MROH2A: variants seen among roughly 807,000 people sequenced by gnomAD.
The protein encoded by MROH2A is maestro heat-like repeat-containing protein family member 2A.
A neutral mutation model predicts 200.4 loss-of-function variants in MROH2A; 174 were observed. The observed-to-expected ratio is 0.87, with a 90% confidence interval of 0.77 to 0.98. MROH2A has a LOEUF of 0.98. MROH2A is among the 50% of genes least tolerant of loss of function. The pLI is 0.00. For synonymous variants in MROH2A, 829 were observed against 840.4 expected, an observed-to-expected ratio of 0.99 and a Z score of 0.23; for missense variants, 2,045 against 2,139.6, an observed-to-expected ratio of 0.96 and a Z score of 0.87.
At position 233,779,739 on chromosome 2, in the gene MROH2A, GGGGCA is replaced by G. The variant is rs1700846141; in HGVS notation, c.166_170del (p.Ala56ProfsTer2). ...CGAGTCAGCAAAGACGGACACAACAGGGGCAGGCCTTGACATGCGGAAGACCCTGG... is the reference window on the plus strand; with the variant it reads ...CGAGTCAGCAAAGACGGACACAACAGGGCCTTGACATGCGGAAGACCCTGG... On this transcript the variant is annotated frameshift_variant, in exon 3 of 42. Coordinates refer to ENST00000389758, the MANE Select transcript of MROH2A (RefSeq NM_001394639.1). LOFTEE classifies it high-confidence loss of function. 1 of 1,551,008 alleles carries G rather than the reference GGGGCA, an allele frequency of 6.4e-7. No individual in the cohort carries two copies. The highest frequency in any genetic ancestry group is 8.7e-7 in the Non-Finnish European group (1 of 1,147,114).
In MROH2A at chr2:233,789,509, C is replaced by T. The variant is rs759580955; in HGVS notation, c.289C>T (p.Arg97Cys). The T allele has an allele frequency of 1.5e-4, 217 of 1,436,162 alleles. No individual in the cohort carries two copies. The highest frequency in any genetic ancestry group is 4.0e-4 in the Admixed American group (14 of 34,916). The allele number at this position is 1,436,162 out of a possible 1,614,324, so 89.0% of individuals were successfully genotyped here. A position where few individuals can be genotyped will look rare whatever the true frequency, so the allele number is the denominator to read the frequency against. ...ACTTGTTTCCCAGATTTCCACCCAG[C>T]GCAAGGTCAACATTTACAACATCCT... ...CLQVPEISTQ[R>C]KVNIYNILQD... Residue 97 changes from arginine to cysteine, a missense_variant, in exon 4 of 42, where the codon CGC (arginine) becomes TGC (cysteine). Physicochemically the swap from Arg to Cys is radical, Grantham distance 180 (BLOSUM62 -3). Coordinates refer to ENST00000389758, the MANE Select transcript of MROH2A (RefSeq NM_001394639.1).
Position 233,809,147 on chromosome 2 carries a change from G to A in MROH2A, c.2317G>A (p.Glu773Lys), listed in dbSNP as rs906753274. ...GTAGAAGGACCATCCCTGGAGGCGG[G>A]AGACAGTGAAAAGTGCCCTCATGGT... The part of the protein sequence containing the change: ...AWRKDHPWRR[E>K]TVKSALMVMY... The change falls in exon 22 of 42, where the codon GAG (glutamate) becomes AAG (lysine). Residue 773 changes from glutamate (E) to lysine (K), a missense_variant. Transcript: ENST00000389758. 6.5e-7 allele frequency: 1 copy of A among 1,549,984 alleles called. No individual in the cohort carries two copies. The highest frequency in any genetic ancestry group is 1.4e-5 in the African/African-American group (1 of 73,018).
chr2:233,812,795 C>T (rs1435219613), intron 24 of MROH2A, among the ~76,000 whole-genome samples: 1 of 152,222 alleles, frequency 6.6e-6, no homozygotes, highest in Non-Finnish European at 1.5e-5. Flanking sequence ...ACAAAAGCAA[C>T]TCGGTTTATA....
rs763083059 is a variant in MROH2A, at chr2:233,809,218, C to T, written c.2388C>T (p.Leu796=). The T allele has an allele frequency of 1.3e-6, 2 of 1,550,604 alleles. No individual in the cohort carries two copies. Among genetic ancestry groups the T allele is most frequent in the Non-Finnish European group, 8.7e-7 (1 of 1,146,984 alleles). The change falls in exon 22 of 42, where the codon CTC becomes CTT. Residue 796 remains leucine, a synonymous_variant. Transcript: ENST00000389758. The stretch of plus-strand genomic sequence containing the variant: ...CCTACTGCCACCCCCAGTTGCTCCT[C>T]AACCTCGTGGACAGCCCCATCACCG... The part of the protein sequence containing the change: ...VASYCHPQLL[L]NLVDSPITAK...
At chr2:233,831,325 C>T in intron 38 of MROH2A, 84 bp from the exon 39 acceptor site, 1 of 1,431,864 alleles carries the variant, frequency 7.0e-7, no homozygotes, top group Non-Finnish European at 9.2e-7. Context: ...TCTGGGGCTG[C>T]CCTCTGGCTT....
chr2:233,814,517 C>A, intron 25 of MROH2A, 65 bp from the exon 26 acceptor site: 4 of 1,213,734 alleles, frequency 3.3e-6, no homozygotes, highest in African/African-American at 3.0e-5. Context: ...CATGAACTCC[C>A]TGCAGGGAGG....
chr2:233,806,155 G>C (rs983218826), intron 19 of MROH2A, among the ~76,000 whole-genome samples: 19 of 152,012 alleles, frequency 1.2e-4, no homozygotes, highest in Non-Finnish European at 2.5e-4. Context: ...TTCCATAACA[G>C]ATCAAAGACT....
At chr2:233,793,340 T>A (rs1263350451) in intron 6 of MROH2A, among the ~76,000 whole-genome samples, 2 of 152,212 alleles carry the variant, frequency 1.3e-5, no homozygotes, top group Non-Finnish European at 2.9e-5. Flanking sequence ...AAAGCCCTAG[T>A]GCCTGAGAAA....
intron 35 of MROH2A, among the ~76,000 whole-genome samples, chr2:233,825,528 G>C (rs749740564): frequency 6.6e-6 from 1 of 152,160 alleles, no homozygotes; most frequent in Non-Finnish European, 1.5e-5. Context: ...TAACATGAAG[G>C]GATGTTGAAT....
intron 21 of MROH2A, among the ~76,000 whole-genome samples, chr2:233,808,704 C>T (rs1306814991): frequency 2.0e-5 from 3 of 152,164 alleles, no homozygotes; most frequent in Non-Finnish European, 2.9e-5. Flanking sequence ...GGTGTGAGCA[C>T]CGTGAGGGCA....
At chr2:233,823,727 TC>T in intron 35 of MROH2A, 63 bp downstream of exon 35, 1 of 1,526,144 alleles carries the variant, frequency 6.6e-7, no homozygotes, top group Admixed American at 2.0e-5. Context: ...CCTGGATTCT[TC>T]TGGGGATGGC....
chr2:233,804,162 G>A lies in MROH2A; in HGVS notation c.1861G>A (p.Glu621Lys). 6.4e-7 allele frequency: 1 copy of A among 1,550,566 alleles called. No homozygotes were observed. Among genetic ancestry groups the A allele is most frequent in the South Asian group, 1.2e-5 (1 of 84,062 alleles). ...APSMADMWELEIALLVRYLEE... is the reference protein window; with the variant it reads ...APSMADMWELKIALLVRYLEE... ...CTCCATGGCCGACATGTGGGAGCTG[G>A]AGATTGCGCTACTGGTCCGGTACCT... is the stretch of plus-strand genomic sequence containing the variant. The change falls in exon 17 of 42, where the codon GAG (glutamate) becomes AAG (lysine). Residue 621 changes from glutamate (E) to lysine (K), a missense_variant. Glu to Lys is a moderately conservative substitution (Grantham distance 56). Transcript: ENST00000389758.
At chr2:233,791,214 G>C (rs1173715183) in intron 5 of MROH2A, among the ~76,000 whole-genome samples, 1 of 152,196 alleles carries the variant, frequency 6.6e-6, no homozygotes, top group Non-Finnish European at 1.5e-5. Context: ...AGGGTCGCCT[G>C]GTGAATGCAG....
chr2:233,786,687 C>G (rs1464565407), intron 3 of MROH2A, among the ~76,000 whole-genome samples: 1 of 152,132 alleles, frequency 6.6e-6, no homozygotes, highest in African/African-American at 2.4e-5. Context: ...CTAGGGTCAG[C>G]AAGGACCCAG....
intron 12 of MROH2A, among the ~76,000 whole-genome samples, chr2:233,799,218 A>G (rs1702302846): frequency 6.6e-6 from 1 of 152,202 alleles, no homozygotes; most frequent in African/African-American, 2.4e-5. Flanking sequence ...GCTGAAAACC[A>G]CAGTCCCAGG....
At position 233,794,515 on chromosome 2, in the gene MROH2A, C is replaced by A; in HGVS notation, c.966+9C>A. On this transcript the variant is annotated intron_variant, in intron 8 of 41. Transcript: ENST00000389758. ...TGCTCTTCGTCACGCAGGCGAGTGG[C>A]CAGGCAGCCACGGCTCTGGGCAGGA... 1 of 1,444,842 alleles carries A rather than the reference C, an allele frequency of 6.9e-7. No homozygotes were observed. The highest frequency in any genetic ancestry group is 9.5e-7 in the Non-Finnish European group (1 of 1,050,770). 89.5% of individuals were successfully genotyped at this position (1,444,842 alleles called of 1,614,324 possible).
chr2:233,810,335 T>A (rs1311380761), intron 22 of MROH2A, among the ~76,000 whole-genome samples: 3 of 152,192 alleles, frequency 2.0e-5, no homozygotes, highest in Admixed American at 6.5e-5. Flanking sequence ...ACTTCTTACA[T>A]GGTGGCAGCA....
rs780735439 is a variant in MROH2A at position 233,832,633 on chromosome 2, C to G, written c.4892C>G (p.Ala1631Gly). 72 of 1,548,246 alleles carry G rather than the reference C, an allele frequency of 4.7e-5. No individual in the cohort carries two copies. The highest frequency in any genetic ancestry group is 1.0e-5 in the Non-Finnish European group (12 of 1,145,150). ...TATCTGAAAAAGCTGGACTTCCCAG[C>G]ATTACGGAATTGTGAGTAGTGGAGA... Reference protein sequence around the residue: ...THYLKKLDFPALRNSLQELQL... With the variant: ...THYLKKLDFPGLRNSLQELQL... The change falls in exon 41 of 42, where the codon GCA becomes GGA. Residue 1631 changes from alanine to glycine, a missense_variant. This residue lies in a region of MROH2A where 1,201 missense variants were observed against 1,311.3 expected (regional missense o/e 0.92). Transcript: ENST00000389758.
intron 15 of MROH2A, among the ~76,000 whole-genome samples, chr2:233,803,173 G>A (rs889688721): frequency 5.9e-5 from 9 of 152,230 alleles, no homozygotes; most frequent in African/African-American, 2.2e-4. Context: ...GTCATGGAAA[G>A]TCTTGGTGTC....
Sources: allele counts gnomAD v4.1 joint callset (sites outside exome capture counted in the v4.1 genomes callset), GRCh38; gene constraint gnomAD v4.1.1; regional missense constraint gnomAD v4.1.1; transcripts MANE v1.5; gene names NCBI Gene and HGNC (gene_info 2026-07-23, HGNC 2026-07-21).